The following HOMER1 variants were observed in gnomAD, a reference collection of about 807,000 sequenced individuals.
The protein encoded by HOMER1 is homer scaffold protein 1.
A neutral mutation model predicts 48.9 loss-of-function variants in HOMER1; 3 were observed. The ratio of observed to expected loss-of-function variants is 0.06; its 90% CI spans 0.03 to 0.16. The LOEUF is 0.16. Among genes scored for constraint, HOMER1 ranks in the 10% least tolerant of loss-of-function variants. HOMER1 has a pLI of 1.00. For missense variants in HOMER1, 247 were observed against 411.4 expected (o/e 0.60, Z 3.46); for synonymous variants, 134 against 146.4 (o/e 0.92, Z 0.61).
chr5:79,412,719 T>C (rs1191925669), intron 5 of HOMER1, among the ~76,000 whole-genome samples: 1 of 152,170 alleles, frequency 6.6e-6, no homozygotes, highest in Non-Finnish European at 1.5e-5. Context: ...CATAACATAA[T>C]AGACAAAATA....
intron 1 of HOMER1, among the ~76,000 whole-genome samples, chr5:79,462,193 C>A (rs1038875919): frequency 3.3e-5 from 5 of 152,154 alleles, no homozygotes; most frequent in Admixed American, 3.3e-4. Context: ...GAGCGAGACT[C>A]CATCTCAAAA....
intron 5 of HOMER1, among the ~76,000 whole-genome samples, chr5:79,418,667 A>C (rs974195891): frequency 6.6e-6 from 1 of 152,208 alleles, no homozygotes; most frequent in Non-Finnish European, 1.5e-5. Flanking sequence ...CTTTAACCTA[A>C]GTATGAATTA....
chr5:79,510,752 C>G, intron 1 of HOMER1: 1 of 767,828 alleles, frequency 1.3e-6, no homozygotes, highest in Non-Finnish European at 2.3e-6. Flanking sequence ...GGGAAGCATG[C>G]TCGTGCCCGC....
intron 5 of HOMER1, among the ~76,000 whole-genome samples, chr5:79,424,181 T>C (rs1382766996): frequency 2.6e-5 from 4 of 152,088 alleles, no homozygotes; most frequent in African/African-American, 9.7e-5. Flanking sequence ...ATATTTGCTT[T>C]CTATAATAGA....
chr5:79,382,955 G>A (rs116559674), intron 8 of HOMER1, among the ~76,000 whole-genome samples: 1,585 of 152,280 alleles, frequency 0.01, 16 homozygotes, highest in South Asian at 0.018. Context: ...ATGGATTACA[G>A]TTATGACCAA....
intron 1 of HOMER1, among the ~76,000 whole-genome samples, chr5:79,462,593 C>T (rs758016592): frequency 1.3e-5 from 2 of 152,164 alleles, no homozygotes; most frequent in Non-Finnish European, 2.9e-5. Context: ...CTACATTTAG[C>T]TCTCAGGCAT....
chr5:79,495,281 T>C (rs1005113212), intron 1 of HOMER1, among the ~76,000 whole-genome samples: 6 of 152,168 alleles, frequency 3.9e-5, no homozygotes, highest in African/African-American at 1.4e-4. Flanking sequence ...CTAATTAGCA[T>C]ACTTCACCTC....
chr5:79,382,533 T>G (rs1041468641), intron 8 of HOMER1, among the ~76,000 whole-genome samples: 4 of 152,072 alleles, frequency 2.6e-5, no homozygotes, highest in Admixed American at 6.6e-5. Context: ...AAAACAAAAC[T>G]GCTATCCAAG....
At chr5:79,405,639 T>C (rs1328947777) in intron 5 of HOMER1, among the ~76,000 whole-genome samples, 1 of 152,054 alleles carries the variant, frequency 6.6e-6, no homozygotes, top group East Asian at 1.9e-4. Context: ...TATTTTCCAG[T>C]TATTACACCC....
At chr5:79,502,883 A>G (rs577643992) in intron 1 of HOMER1, among the ~76,000 whole-genome samples, 3 of 152,082 alleles carry the variant, frequency 2.0e-5, no homozygotes, top group African/African-American at 7.2e-5. Flanking sequence ...CTCCGCCTCC[A>G]GGGTTCACGC....
chr5:79,501,715 TG>T (rs1417636618), intron 1 of HOMER1, among the ~76,000 whole-genome samples: 3 of 152,312 alleles, frequency 2.0e-5, no homozygotes, highest in African/African-American at 7.2e-5. Flanking sequence ...CCTGCTCTAA[TG>T]GTAAGAGCCC....
chr5:79,380,040 T>C lies in HOMER1; in HGVS notation c.877-3843A>G, dbSNP rs141071850. On this transcript the variant is annotated intron_variant, in intron 8 of 8. Coordinates refer to ENST00000334082, the MANE Select transcript of HOMER1 (RefSeq NM_004272.5). ...AAATGGATCATCCAACAGAGGACACTGGAATTAAACAGAAAAAGTGACAAG... is the reference window on the plus strand; with the variant it reads ...AAATGGATCATCCAACAGAGGACACCGGAATTAAACAGAAAAAGTGACAAG... Among the ~76,000 whole-genome samples, 55 of 152,210 alleles carry C rather than the reference T, an allele frequency of 3.6e-4. No individual in the cohort carries two copies. In the East Asian group the frequency reaches 9.9e-3, roughly 27 times the overall value.
chr5:79,438,943 T>G, intron 5 of HOMER1, 67 bp downstream of exon 5: 1 of 1,426,500 alleles, frequency 7.0e-7, no homozygotes, highest in Non-Finnish European at 9.8e-7. Flanking sequence ...ACTACAAGGG[T>G]TCCTGAAACC....
At chr5:79,440,021 C>T (rs1042326855) in intron 4 of HOMER1, among the ~76,000 whole-genome samples, 6 of 151,886 alleles carry the variant, frequency 4.0e-5, no homozygotes, top group African/African-American at 1.5e-4. Context: ...GCTTGGTGGA[C>T]CTCTTATGAT....
At chr5:79,498,478 A>C (rs1024224068) in intron 1 of HOMER1, among the ~76,000 whole-genome samples, 1 of 152,184 alleles carries the variant, frequency 6.6e-6, no homozygotes, top group Non-Finnish European at 1.5e-5. Flanking sequence ...GAACTCAAAA[A>C]ATGTTTGCTG....
In HOMER1 at chr5:79,512,751, T is replaced by G. The variant is rs745513846; in HGVS notation, c.5+19A>C. On this transcript the variant is annotated intron_variant, in intron 1 of 8. Transcript: ENST00000334082. ...TACATAAACAGATTCGAAGCTGTGT[T>G]AAGCACAAAAATCCTTACCCCATTT... 6.2e-7 allele frequency: 1 copy of G among 1,612,620 alleles called. No individual in the cohort carries two copies. The highest frequency in any genetic ancestry group is 2.2e-5 in the East Asian group (1 of 44,834).
Position 79,510,754 on chromosome 5 carries a change from C to T in HOMER1, c.5+2016G>A, listed in dbSNP as rs533311413. ...CCACCCCAAGCTTGGGAAGCATGCTCGTGCCCGCATTGCCAAGGGGCTCAG... is the reference window on the plus strand; with the variant it reads ...CCACCCCAAGCTTGGGAAGCATGCTTGTGCCCGCATTGCCAAGGGGCTCAG... On this transcript the variant is annotated intron_variant, in intron 1 of 8. Coordinates refer to ENST00000334082, the MANE Select transcript of HOMER1 (RefSeq NM_004272.5). The T allele has an allele frequency of 3.3e-4, 251 of 767,316 alleles. No homozygotes were observed. In the Middle Eastern group the frequency reaches 3.9e-3, roughly 12 times the overall value. The allele number at this position is 767,316 out of a possible 1,614,324, so 47.5% of individuals were successfully genotyped here.
chr5:79,496,478 T>C (rs1752424403), intron 1 of HOMER1, among the ~76,000 whole-genome samples: 1 of 152,118 alleles, frequency 6.6e-6, no homozygotes, highest in South Asian at 2.1e-4. Context: ...GAACTCTACA[T>C]TGGAAGAGTC....
At chr5:79,391,616 T>C (rs908404096) in intron 8 of HOMER1, among the ~76,000 whole-genome samples, 2 of 151,292 alleles carry the variant, frequency 1.3e-5, no homozygotes, top group South Asian at 4.2e-4. Context: ...CGTGGTGGCA[T>C]GTGCCTGTAG....
Sources: allele counts gnomAD v4.1 joint callset (sites outside exome capture counted in the v4.1 genomes callset), GRCh38; gene constraint gnomAD v4.1.1; transcripts MANE v1.5; gene names NCBI Gene and HGNC (gene_info 2026-07-23, HGNC 2026-07-21).